Variants in UXS1 observed in about 807,000 individuals in gnomAD.
UXS1 encodes the protein UDP-glucuronic acid decarboxylase 1.
Under a neutral mutation model 62.6 loss-of-function variants are expected in UXS1, and 33 were observed. The ratio of observed to expected loss-of-function variants is 0.53; its 90% CI spans 0.40 to 0.70. UXS1 has a LOEUF of 0.70. UXS1 is among the 30% of genes least tolerant of loss of function. UXS1 has a pLI of 0.00. For missense variants in UXS1, 434 were observed against 556.3 expected (o/e 0.78, Z 2.21); for synonymous variants, 213 against 206.8 (o/e 1.03, Z -0.26).
chr2:106,176,229 A>C (rs1360023110), intron 1 of UXS1, among the ~76,000 whole-genome samples: 1 of 152,132 alleles, frequency 6.6e-6, no homozygotes, highest in Admixed American at 6.6e-5. Context: ...TGTACATAGG[A>C]AAGATGCATC....
intron 8 of UXS1, among the ~76,000 whole-genome samples, chr2:106,124,789 T>C (rs1292676770): frequency 6.6e-6 from 1 of 152,218 alleles, no homozygotes; most frequent in African/African-American, 2.4e-5. Context: ...TACCTTTTCA[T>C]AGAGATTACA....
intron 6 of UXS1, among the ~76,000 whole-genome samples, chr2:106,136,907 T>TATA (rs1237098801): frequency 1.8e-5 from 2 of 112,642 alleles, no homozygotes; most frequent in African/African-American, 3.4e-5. Flanking sequence ...AAACTTAAAG[T>TATA]ATAATAATAA....
chr2:106,145,545 A>C (rs1681494590), intron 5 of UXS1, 175 bp from the exon 6 acceptor site: 2 of 680,154 alleles, frequency 2.9e-6, no homozygotes, highest in Non-Finnish European at 4.6e-6. Flanking sequence ...ACTGCAGAAC[A>C]AAGAGGTCAT....
chr2:106,193,163 T>C (rs1350048714), intron 1 of UXS1, among the ~76,000 whole-genome samples: 1 of 152,074 alleles, frequency 6.6e-6, no homozygotes, highest in Non-Finnish European at 1.5e-5. Context: ...AGAGCTCAAC[T>C]GAAGTCACTT....
intron 9 of UXS1, among the ~76,000 whole-genome samples, chr2:106,116,979 C>A (rs1679109488): frequency 6.6e-6 from 1 of 152,172 alleles, no homozygotes; most frequent in Non-Finnish European, 1.5e-5. Context: ...CAAATAATAT[C>A]ATTTCATGAT....
At position 106,110,505 on chromosome 2, in the gene UXS1, C is replaced by A. The variant is rs570245285; in HGVS notation, c.879+2141G>T. ...TCTGAACACAGTTGCTAAAAAGGCACCAGGCTGTCCTCGAGATGTGGAATT... is the reference window on the plus strand; with the variant it reads ...TCTGAACACAGTTGCTAAAAAGGCAACAGGCTGTCCTCGAGATGTGGAATT... On this transcript the variant is annotated intron_variant, in intron 10 of 14. Coordinates refer to ENST00000283148, the MANE Select transcript of UXS1 (RefSeq NM_001253875.2). Among the ~76,000 whole-genome samples, 4 of 152,306 alleles carry A rather than the reference C, an allele frequency of 2.6e-5. No individual in the cohort carries two copies. In the East Asian group the frequency reaches 7.7e-4, roughly 29 times the overall value.
intron 14 of UXS1, among the ~76,000 whole-genome samples, chr2:106,095,897 G>A (rs1677039756): frequency 1.3e-5 from 2 of 152,350 alleles, no homozygotes; most frequent in Non-Finnish European, 2.9e-5. Flanking sequence ...GGCACAGCAG[G>A]CGGCAGAGCA....
intron 6 of UXS1, among the ~76,000 whole-genome samples, chr2:106,143,437 A>AAAAAAAG (rs1558719544): frequency 1.6e-5 from 2 of 122,750 alleles, no homozygotes; most frequent in African/African-American, 2.9e-5. Context: ...AAAAAAAAAA[A>AAAAAAAG]AGGTATAATT....
At chr2:106,124,183 T>A (rs1052838298) in intron 8 of UXS1, among the ~76,000 whole-genome samples, 1 of 152,246 alleles carries the variant, frequency 6.6e-6, no homozygotes, top group African/African-American at 2.4e-5. Context: ...ATTCACAGAA[T>A]GTACCAGATG....
chr2:106,100,536 A>G (rs1458511022), intron 12 of UXS1, among the ~76,000 whole-genome samples: 1 of 152,178 alleles, frequency 6.6e-6, no homozygotes, highest in East Asian at 1.9e-4. Flanking sequence ...GAGCAGAAGC[A>G]AGTTCACCAG....
rs373394878 is a variant in UXS1, at chr2:106,121,528, T to A, written c.759+1442A>T. Among the ~76,000 whole-genome samples, 18 of 152,280 alleles carry A rather than the reference T, an allele frequency of 1.2e-4. No individual in the cohort carries two copies. In the East Asian group the frequency reaches 3.5e-3, roughly 29 times the overall value. On this transcript the variant is annotated intron_variant, in intron 9 of 14. Coordinates refer to ENST00000283148, the MANE Select transcript of UXS1 (RefSeq NM_001253875.2). ...CAATGATGTACCCCTGACACTCTAG[T>A]CAGTACTCCTAAGTACCCATGCACA...
chr2:106,104,481 CCATCT>C (rs1677882762), intron 11 of UXS1, among the ~76,000 whole-genome samples: 1 of 152,224 alleles, frequency 6.6e-6, no homozygotes, highest in Non-Finnish European at 1.5e-5. Context: ...ATGCAAAAGG[CCATCT>C]CTTAACTCCA....
At chr2:106,130,792 G>A (rs1680381027) in intron 6 of UXS1, among the ~76,000 whole-genome samples, 1 of 152,194 alleles carries the variant, frequency 6.6e-6, no homozygotes, top group Non-Finnish European at 1.5e-5. Context: ...GTCACCCAGT[G>A]AGGTGATGCC....
intron 1 of UXS1, among the ~76,000 whole-genome samples, chr2:106,168,145 G>T (rs947698408): frequency 2.0e-5 from 3 of 152,070 alleles, no homozygotes; most frequent in African/African-American, 7.2e-5. Flanking sequence ...TGGGCAACAA[G>T]AACAAAACTC....
intron 1 of UXS1, among the ~76,000 whole-genome samples, chr2:106,169,951 A>C (rs10514793): frequency 0.033 from 5,002 of 152,224 alleles, 124 homozygotes; most frequent in East Asian, 0.065. Context: ...TAAATGGATA[A>C]GAATGGATGT....
chr2:106,104,956 T>TG, intron 10 of UXS1, 119 bp from the exon 11 acceptor site: 1 of 1,208,452 alleles, frequency 8.3e-7, no homozygotes, highest in Non-Finnish European at 1.2e-6. Flanking sequence ...GCAGTGATGC[T>TG]GACTCAAAGC....
At chr2:106,142,667 G>GA (rs1681211812) in intron 6 of UXS1, among the ~76,000 whole-genome samples, 1 of 152,198 alleles carries the variant, frequency 6.6e-6, no homozygotes, top group African/African-American at 2.4e-5. Flanking sequence ...TGTGAGGGCA[G>GA]AAAGAGTGAA....
At chr2:106,127,106 G>A (rs1008838211) in intron 7 of UXS1, among the ~76,000 whole-genome samples, 2 of 152,082 alleles carry the variant, frequency 1.3e-5, no homozygotes, top group Admixed American at 6.5e-5. Flanking sequence ...TAGAATTCCC[G>A]GGGATATATG....
At chr2:106,116,211 C>CACG (rs994276328) in intron 9 of UXS1, among the ~76,000 whole-genome samples, 9 of 152,322 alleles carry the variant, frequency 5.9e-5, no homozygotes, top group Non-Finnish European at 7.4e-5. Context: ...GCAGGGATTA[C>CACG]ACGGTGTACA....
Sources: gnomAD v4.1 joint callset for allele counts (sites outside exome capture counted in the v4.1 genomes callset) on GRCh38, gnomAD v4.1.1 for gene constraint, MANE v1.5 for transcripts, NCBI Gene and HGNC (gene_info 2026-07-23, HGNC 2026-07-21) for gene names.